Variants in SNRPN observed in about 807,000 individuals in gnomAD.
SNRPN encodes small nuclear ribonucleoprotein-associated protein N.
A neutral mutation model predicts 25.2 loss-of-function variants in SNRPN; 7 were observed. The ratio of observed to expected loss-of-function variants is 0.28; its 90% CI spans 0.16 to 0.52. SNRPN has a LOEUF of 0.52. SNRPN is among the 20% of genes least tolerant of loss of function. The probability of loss-of-function intolerance (pLI) is 0.96; values close to 1 mark genes in which losing one functional copy is unlikely to be tolerated. For missense variants in SNRPN, 196 were observed against 322.5 expected (o/e 0.61, Z 3.00); for synonymous variants, 124 against 110.6 (o/e 1.12, Z -0.76).
chr15:24,856,222 AG>A (rs2053368723), upstream of SNRPN, among the ~76,000 whole-genome samples: 1 of 152,314 alleles, frequency 6.6e-6, no homozygotes, highest in South Asian at 2.1e-4. Flanking sequence ...CAATATTCTC[AG>A]TTGTCCCTTG....
At chr15:24,962,021 A>G in intron 1 of SNRPN, 93 bp from the exon 2 acceptor site, 6 of 1,042,202 alleles carry the variant, frequency 5.8e-6, no homozygotes, top group African/African-American at 1.6e-5. Context: ...AAAATCCATT[A>G]TATTAAATGT....
rs1433627294 is a variant in SNRPN at position 24,918,827 on chromosome 15, T to C, written c.-504-1184T>C. Among the ~76,000 whole-genome samples the C allele has an allele frequency of 1.6e-5, 2 of 123,912 alleles. 1 individual carries two copies. Among genetic ancestry groups the C allele is most frequent in the Non-Finnish European group, 3.2e-5 (2 of 62,152 alleles). 81.3% of individuals were successfully genotyped at this position (123,912 alleles called of 152,430 possible). On this transcript the variant is annotated intron_variant, in intron 2 of 11. Transcript: ENST00000400097. Reference sequence around the variant, plus strand: ...ATATAACAATATATATATGTGCGCATATATATAATATATATATGCGCACAT... The same window carrying C: ...ATATAACAATATATATATGTGCGCACATATATAATATATATATGCGCACAT...
chr15:24,874,862 T>A (rs72693670), intron 1 of SNRPN, among the ~76,000 whole-genome samples: 14,743 of 152,214 alleles, frequency 0.097, 864 homozygotes, highest in Admixed American at 0.19. Context: ...AAGAGTTTGA[T>A]CTGAGTGACA....
In SNRPN at chr15:24,943,209, CAA is replaced by C. The variant is rs373090882; in HGVS notation, c.-390-18902_-390-18901del. Among the ~76,000 whole-genome samples, 373 of 152,206 alleles carry C rather than the reference CAA, an allele frequency of 2.5e-3. 2 individuals are homozygous for C. The highest frequency in any genetic ancestry group is 8.5e-3 in the African/African-American group (353 of 41,522). On this transcript the variant is annotated intron_variant, in intron 3 of 11. Coordinates refer to the SNRPN transcript ENST00000400097. ...ATATCTGGCCATATGTCCTTCCAAA[CAA>C]AATAAACAACCAGGAACACTGTCCC... is the stretch of plus-strand genomic sequence containing the variant.
chr15:24,874,654 C>CT (rs2055668396), intron 1 of SNRPN, among the ~76,000 whole-genome samples: 1 of 152,180 alleles, frequency 6.6e-6, no homozygotes. Context: ...TGAACTTGAT[C>CT]TGAAAACCTT....
chr15:24,850,786 A>C (rs901775342), intron 2 of SNRPN: 1 of 152,218 alleles, frequency 6.6e-6, no homozygotes, highest in African/African-American at 2.4e-5. Flanking sequence ...CTGAGGGGGA[A>C]GTCAGGGCTC....
At chr15:24,946,677 G>A (rs565782795) in intron 3 of SNRPN, among the ~76,000 whole-genome samples, 1 of 152,242 alleles carries the variant, frequency 6.6e-6, no homozygotes, top group East Asian at 1.9e-4. Context: ...CCTATGTTAT[G>A]CAGGCTAGTC....
intron 1 of SNRPN, among the ~76,000 whole-genome samples, chr15:24,877,661 AACACACACACACACACACACACAC>A (rs72120147): frequency 3.5e-5 from 5 of 144,644 alleles, no homozygotes; most frequent in African/African-American, 1.0e-4. Flanking sequence ...ATCTCTACAA[AACACACACACACACACACACACAC>A]ACACACACAC....
intron 2 of SNRPN, among the ~76,000 whole-genome samples, chr15:24,918,336 ATG>A (rs1265421734): frequency 4.6e-5 from 3 of 64,944 alleles, no homozygotes; most frequent in South Asian, 1.3e-3. Flanking sequence ...CATAATATAT[ATG>A]TGTATATATA....
Position 24,877,576 on chromosome 15 carries a change from G to A in SNRPN, c.-578-8940G>A, listed in dbSNP as rs562400831. Among the ~76,000 whole-genome samples, 7 of 152,276 alleles carry A rather than the reference G, an allele frequency of 4.6e-5. No homozygotes were observed. In the East Asian group the frequency reaches 5.8e-4, roughly 13 times the overall value. On this transcript the variant is annotated intron_variant, in intron 1 of 11. Coordinates refer to the SNRPN transcript ENST00000400097. ...GCGGTGGCTGACGCCTGTAATCCCA[G>A]CACTTTGGGAGGCCAAGGCCGGCGG...
chr15:24,962,088 A>G (rs987504055), intron 1 of SNRPN, 26 bp from the exon 2 acceptor site: 2 of 1,593,166 alleles, frequency 1.3e-6, no homozygotes, highest in Admixed American at 3.3e-5. Flanking sequence ...AGTCTACCAA[A>G]CAAATGCCTC....
At chr15:24,977,054 T>C (rs2077135467) in intron 7 of SNRPN, 25 bp downstream of exon 7, 1 of 1,532,638 alleles carries the variant, frequency 6.5e-7, no homozygotes, top group Non-Finnish European at 8.8e-7. Context: ...GAGGGTTTTA[T>C]ATTATTGGGA....
chr15:24,974,939 G>A (rs1256312070), intron 4 of SNRPN: 1 of 702,990 alleles, frequency 1.4e-6, no homozygotes, highest in Admixed American at 2.0e-5. Flanking sequence ...GGACTGTCCT[G>A]CAGATGATGG....
intron 2 of SNRPN, among the ~76,000 whole-genome samples, chr15:24,901,811 G>A (rs1418479438): frequency 6.6e-6 from 1 of 152,274 alleles, no homozygotes; most frequent in East Asian, 1.9e-4. Flanking sequence ...AACATAGGAA[G>A]AAAAGGACAT....
chr15:24,831,697 AT>A (rs2050537470), intron 2 of SNRPN, among the ~76,000 whole-genome samples: 1 of 151,990 alleles, frequency 6.6e-6, no homozygotes, highest in East Asian at 1.9e-4. Context: ...GCTTTTTTAG[AT>A]TCCGCTTACA....
At chr15:24,930,004 G>A (rs369709376) in intron 3 of SNRPN, among the ~76,000 whole-genome samples, 69 of 151,946 alleles carry the variant, frequency 4.5e-4, no homozygotes, top group Admixed American at 1.2e-3. Flanking sequence ...TGGCTAACGC[G>A]GTGAAACCCT....
intron 2 of SNRPN, among the ~76,000 whole-genome samples, chr15:24,844,833 A>G (rs999388396): frequency 6.6e-6 from 1 of 152,116 alleles, no homozygotes; most frequent in African/African-American, 2.4e-5. Flanking sequence ...CAATTTATCC[A>G]TTTTTAAATT....
chr15:24,850,552 T>G (rs2052723085), intron 2 of SNRPN: 1 of 152,258 alleles, frequency 6.6e-6, no homozygotes, highest in Non-Finnish European at 1.5e-5. Context: ...TGACCTCAGG[T>G]GATCCACCCG....
chr15:24,965,380 T>TA (rs1296569348), intron 2 of SNRPN, among the ~76,000 whole-genome samples: 2 of 151,442 alleles, frequency 1.3e-5, no homozygotes, highest in Non-Finnish European at 2.9e-5. Flanking sequence ...TCTAGAAAAA[T>TA]AAAAAAATCA....
Sources: gnomAD v4.1 joint callset for allele counts (sites outside exome capture counted in the v4.1 genomes callset) on GRCh38, gnomAD v4.1.1 for gene constraint, MANE v1.5 for transcripts, NCBI Gene and HGNC (gene_info 2026-07-23, HGNC 2026-07-21) for gene names.